Variants in ZRANB3 observed in about 807,000 individuals in gnomAD.
ZRANB3 encodes the protein zinc finger RANBP2-type containing 3.
ZRANB3 carries 125 observed loss-of-function variants against 133.8 expected under a neutral mutation model. That is an observed-to-expected ratio of 0.93 (90% CI 0.81 to 1.08). The LOEUF is 1.08. ZRANB3 is among the 50% of genes least tolerant of loss of function. The probability of loss-of-function intolerance (pLI) is 0.00; values close to 1 mark genes in which losing one functional copy is unlikely to be tolerated. For missense variants in ZRANB3, 1,229 were observed against 1,275.5 expected (o/e 0.96, Z 0.56); for synonymous variants, 387 against 432.7 (o/e 0.89, Z 1.31).
At chr2:135,336,879 C>T (rs1684393183) in intron 6 of ZRANB3, among the ~76,000 whole-genome samples, 1 of 151,830 alleles carries the variant, frequency 6.6e-6, no homozygotes, top group African/African-American at 2.4e-5. Context: ...CATTTACAGT[C>T]TGCAACAATT....
chr2:135,294,195 A>G lies in ZRANB3; in HGVS notation c.967-18440T>C, dbSNP rs1042998445. On this transcript the variant is annotated intron_variant, in intron 8 of 20. Coordinates refer to ENST00000264159, the MANE Select transcript of ZRANB3 (RefSeq NM_032143.4). ...GTACCAGCTCTTCCTTGTACCTCTCATAGAATTTGGATATGAATCCATCTG... is the reference window on the plus strand; with the variant it reads ...GTACCAGCTCTTCCTTGTACCTCTCGTAGAATTTGGATATGAATCCATCTG... Among the ~76,000 whole-genome samples, 27 of 152,142 alleles carry G rather than the reference A, an allele frequency of 1.8e-4. 1 individual carries two copies. Among genetic ancestry groups the G allele is most frequent in the Middle Eastern group, 3.4e-3 (1 of 292 alleles).
intron 10 of ZRANB3, among the ~76,000 whole-genome samples, chr2:135,271,565 T>C (rs1306577719): frequency 6.6e-6 from 1 of 152,228 alleles, no homozygotes; most frequent in Non-Finnish European, 1.5e-5. Context: ...CATCCTTTCC[T>C]TGAAAATTTA....
chr2:135,314,465 C>G (rs1281715024), intron 7 of ZRANB3, among the ~76,000 whole-genome samples: 1 of 152,116 alleles, frequency 6.6e-6, no homozygotes, highest in Non-Finnish European at 1.5e-5. Flanking sequence ...ATGAAAAACT[C>G]TGTTAATAAA....
chr2:135,469,998 C>A (rs192411051), intron 2 of ZRANB3, among the ~76,000 whole-genome samples: 3 of 131,940 alleles, frequency 2.3e-5, no homozygotes, highest in African/African-American at 5.9e-5. Context: ...GGTGACAGAG[C>A]GAGACTCTTA....
intron 18 of ZRANB3, 88 bp downstream of exon 18, chr2:135,208,780 A>G: frequency 8.3e-7 from 1 of 1,198,802 alleles, no homozygotes; most frequent in Non-Finnish European, 1.2e-6. Flanking sequence ...GTGGTCATGC[A>G]AAGGTGAGAT....
At chr2:135,216,108 A>G (rs1422070721) in intron 17 of ZRANB3, among the ~76,000 whole-genome samples, 4 of 149,676 alleles carry the variant, frequency 2.7e-5, no homozygotes, top group African/African-American at 7.4e-5. Context: ...TTTACAATTT[A>G]TATTTACCCT....
chr2:135,222,971 A>G (rs1238928002), intron 15 of ZRANB3, among the ~76,000 whole-genome samples: 2 of 151,718 alleles, frequency 1.3e-5, no homozygotes, highest in African/African-American at 4.8e-5. Flanking sequence ...CAAACAAAAA[A>G]CGGCCAGGTG....
At chr2:135,433,789 G>A (rs1689415826) in intron 2 of ZRANB3, among the ~76,000 whole-genome samples, 1 of 152,184 alleles carries the variant, frequency 6.6e-6, no homozygotes. Flanking sequence ...GAGGTCAGGA[G>A]ATCGAGACCA....
At chr2:135,420,379 G>A (rs1459605736) in intron 2 of ZRANB3, among the ~76,000 whole-genome samples, 2 of 151,886 alleles carry the variant, frequency 1.3e-5, no homozygotes, top group South Asian at 2.1e-4. Flanking sequence ...AGACATCACC[G>A]TGGCTGAAAA....
intron 6 of ZRANB3, among the ~76,000 whole-genome samples, chr2:135,326,898 CA>C (rs56683794): frequency 0.011 from 669 of 61,456 alleles, 1 homozygote; most frequent in East Asian, 0.022. Flanking sequence ...GACTCCATCT[CA>C]AAAAAAAAAA....
chr2:135,516,293 A>T (rs1481475927), intron 1 of ZRANB3, among the ~76,000 whole-genome samples: 1 of 152,100 alleles, frequency 6.6e-6, no homozygotes, highest in Non-Finnish European at 1.5e-5. Context: ...TTATATGTGA[A>T]TCTGATCCTG....
intron 3 of ZRANB3, among the ~76,000 whole-genome samples, chr2:135,358,251 C>T (rs543465081): frequency 3.6e-4 from 55 of 152,278 alleles, no homozygotes; most frequent in Admixed American, 2.4e-3. Context: ...TTAAGGCTAA[C>T]GTGTATGCAG....
At chr2:135,340,772 C>CAATTTCACTTCTA (rs1558928847) in intron 6 of ZRANB3, among the ~76,000 whole-genome samples, 1 of 150,880 alleles carries the variant, frequency 6.6e-6, no homozygotes, top group African/African-American at 2.5e-5. Flanking sequence ...AGGAGAATTG[C>CAATTTCACTTCTA]TTGAACCTAG....
At chr2:135,457,841 G>C (rs1276273711) in intron 2 of ZRANB3, among the ~76,000 whole-genome samples, 1 of 151,866 alleles carries the variant, frequency 6.6e-6, no homozygotes, top group Non-Finnish European at 1.5e-5. Context: ...AACATGATTT[G>C]CAAATAATTG....
At chr2:135,452,412 T>C (rs1690316827) in intron 2 of ZRANB3, among the ~76,000 whole-genome samples, 1 of 152,120 alleles carries the variant, frequency 6.6e-6, no homozygotes, top group African/African-American at 2.4e-5. Context: ...CAATCATGCC[T>C]TCCCAACAGT....
intron 18 of ZRANB3, among the ~76,000 whole-genome samples, chr2:135,208,458 C>T (rs1693970000): frequency 6.6e-6 from 1 of 152,220 alleles, no homozygotes. Context: ...AAAAGGTACA[C>T]TACTCAATTT....
chr2:135,452,950 C>G (rs1388832618), intron 2 of ZRANB3, among the ~76,000 whole-genome samples: 1 of 152,254 alleles, frequency 6.6e-6, no homozygotes, highest in Non-Finnish European at 1.5e-5. Context: ...GGGGCTCCGA[C>G]CCAACATTTC....
intron 8 of ZRANB3, among the ~76,000 whole-genome samples, chr2:135,286,450 G>C (rs550750687): frequency 6.6e-6 from 1 of 152,082 alleles, no homozygotes; most frequent in Non-Finnish European, 1.5e-5. Context: ...GCTAATTTTT[G>C]TATTTTTGGT....
At chr2:135,207,332 TATATATCTGA>T in intron 19 of ZRANB3, 92 bp downstream of exon 19, 2 of 1,386,088 alleles carry the variant, frequency 1.4e-6, no homozygotes, top group South Asian at 1.7e-5. Flanking sequence ...TCTTTCCTTT[TATATATCTGA>T]ATATTCCCAT....
Sources: gnomAD v4.1 joint callset for allele counts (sites outside exome capture counted in the v4.1 genomes callset) on GRCh38, gnomAD v4.1.1 for gene constraint, MANE v1.5 for transcripts, NCBI Gene and HGNC (gene_info 2026-07-23, HGNC 2026-07-21) for gene names.